The following PHF24 variants were observed in gnomAD, a reference collection of about 807,000 sequenced individuals.
The protein encoded by PHF24 is Galpha inhibitory interacting protein.
PHF24 carries 25 observed loss-of-function variants against 42.6 expected under a neutral mutation model. The ratio of observed to expected loss-of-function variants is 0.59; its 90% CI spans 0.43 to 0.82. The LOEUF is 0.82. Among genes scored for constraint, PHF24 ranks in the 40% least tolerant of loss-of-function variants. PHF24 has a pLI of 0.00. For missense variants in PHF24, 470 were observed against 538.1 expected, an observed-to-expected ratio of 0.87 and a Z score of 1.25; for synonymous variants, 185 against 204.8, an observed-to-expected ratio of 0.90 and a Z score of 0.83.
the PHF24 span, among the ~76,000 whole-genome samples, chr9:34,789,642 A>C: frequency 3.3e-5 from 5 of 152,322 alleles, no homozygotes; most frequent in East Asian, 9.6e-4. Flanking sequence ...ACTGTAGGAA[A>C]ATGATGACTC....
the PHF24 span, among the ~76,000 whole-genome samples, chr9:34,816,588 G>A: frequency 3.9e-5 from 6 of 152,134 alleles, no homozygotes; most frequent in Non-Finnish European, 5.9e-5. Context: ...TTCTCGCTGT[G>A]TCCTCCCATG....
chr9:34,917,642 G>A, the PHF24 span: 1 of 777,348 alleles, frequency 1.3e-6, no homozygotes, highest in African/African-American at 1.7e-5. Flanking sequence ...TGGCTTCCCG[G>A]GGCCTCAGAC....
the PHF24 span, among the ~76,000 whole-genome samples, chr9:34,686,765 C>G: frequency 6.6e-6 from 1 of 152,178 alleles, no homozygotes; most frequent in African/African-American, 2.4e-5. Flanking sequence ...AGGCAGGCAA[C>G]AAGGCCTCCA....
chr9:34,935,912 C>CA, the PHF24 span, among the ~76,000 whole-genome samples: 12 of 152,070 alleles, frequency 7.9e-5, no homozygotes, highest in Admixed American at 7.2e-4. Context: ...GTGGAAGCTG[C>CA]AGCCCTACTG....
chr9:34,785,302 A>G, the PHF24 span, among the ~76,000 whole-genome samples: 3 of 152,208 alleles, frequency 2.0e-5, no homozygotes, highest in South Asian at 6.2e-4. Flanking sequence ...CTGTAAGGGC[A>G]TTAATCCGTT....
At chr9:34,762,235 T>TGGTATTTCCAGTTCTAGATCCCTGAG in the PHF24 span, among the ~76,000 whole-genome samples, 1 of 151,436 alleles carries the variant, frequency 6.6e-6, no homozygotes. Context: ...CTGGGTCAAA[T>TGGTATTTCCAGTTCTAGATCCCTGAG]GGTATTTCCA....
the PHF24 span, among the ~76,000 whole-genome samples, chr9:34,666,374 C>T: frequency 6.1e-4 from 93 of 152,172 alleles, no homozygotes; most frequent in African/African-American, 2.0e-3. Context: ...GAGTGCCTCT[C>T]TTGCCTGCCT....
chr9:34,837,699 G>A, the PHF24 span: 38 of 1,506,668 alleles, frequency 2.5e-5, no homozygotes, highest in Non-Finnish European at 2.5e-5. Context: ...TTTTGGTGAC[G>A]CTTAAAAGAC....
At chr9:34,673,701 A>T in the PHF24 span, among the ~76,000 whole-genome samples, 2 of 147,756 alleles carry the variant, frequency 1.4e-5, no homozygotes, top group Admixed American at 6.8e-5. Flanking sequence ...GGCTCACTTC[A>T]AGCTCTGCCT....
the PHF24 span, chr9:34,834,105 G>A: frequency 2.2e-6 from 3 of 1,375,260 alleles, no homozygotes; most frequent in Non-Finnish European, 3.0e-6. Flanking sequence ...ACTTTGTGAT[G>A]TAGGTCTGGG....
the PHF24 span, among the ~76,000 whole-genome samples, chr9:34,751,346 C>A: frequency 6.6e-5 from 10 of 152,090 alleles, no homozygotes; most frequent in South Asian, 1.2e-3. Context: ...GCCTGGGCAA[C>A]AAGAGCAAAA....
At chr9:34,890,854 T>C in the PHF24 span, among the ~76,000 whole-genome samples, 4 of 152,214 alleles carry the variant, frequency 2.6e-5, no homozygotes, top group African/African-American at 7.2e-5. Context: ...TCTCTAGCGG[T>C]ACCATCTCCA....
the PHF24 span, among the ~76,000 whole-genome samples, chr9:34,809,723 G>C: frequency 1.3e-5 from 2 of 152,206 alleles, no homozygotes; most frequent in Non-Finnish European, 2.9e-5. This position sits in a 1 kb window ranked among gnomAD's most constrained non-coding sequence, Gnocchi z 4.1. Context: ...AGCGGCCTCA[G>C]CCCTGCGCCC....
At chr9:34,959,739 A>G (rs965277435) in intron 1 of PHF24, among the ~76,000 whole-genome samples, 2 of 152,126 alleles carry the variant, frequency 1.3e-5, no homozygotes, top group African/African-American at 4.8e-5. Flanking sequence ...GACCTAATTG[A>G]GGCCTCTGGG....
the PHF24 span, among the ~76,000 whole-genome samples, chr9:34,705,059 AT>A: frequency 2.9e-3 from 415 of 144,332 alleles, no homozygotes; most frequent in Middle Eastern, 3.6e-3. Context: ...CATCTTTAGG[AT>A]TTTTTTTTTT....
the PHF24 span, among the ~76,000 whole-genome samples, chr9:34,713,055 A>G: frequency 6.6e-6 from 1 of 152,056 alleles, no homozygotes; most frequent in African/African-American, 2.4e-5. Context: ...TAGAAATTCA[A>G]TTTTTTCACT....
chr9:34,740,244 A>G, the PHF24 span, among the ~76,000 whole-genome samples: 1 of 152,184 alleles, frequency 6.6e-6, no homozygotes, highest in Non-Finnish European at 1.5e-5. Flanking sequence ...CGCACTCCTC[A>G]GCCCTTGGGT....
exon 5 of PHF24, chr9:34,976,659 C>T: frequency 1.2e-6 from 2 of 1,614,224 alleles, no homozygotes; most frequent in Non-Finnish European, 1.7e-6. Context: ...CTGCCCTGGA[C>T]CCTGAACATC....
At chr9:34,779,070 C>T in the PHF24 span, among the ~76,000 whole-genome samples, 5 of 151,932 alleles carry the variant, frequency 3.3e-5, no homozygotes, top group African/African-American at 1.2e-4. Context: ...GTAAAGATAA[C>T]TACCAAAACG....
Sources: gnomAD v4.1 joint callset for allele counts (sites outside exome capture counted in the v4.1 genomes callset) on GRCh38, gnomAD v4.1.1 for gene constraint, Gnocchi (gnomAD v3.1) non-coding constraint, MANE v1.5 for transcripts, NCBI Gene and HGNC (gene_info 2026-07-23, HGNC 2026-07-21) for gene names.